The following GLIS3 variants were observed in gnomAD, a reference collection of about 807,000 sequenced individuals.
The protein encoded by GLIS3 is zinc finger protein GLIS3.
GLIS3 carries 53 observed loss-of-function variants against 78.6 expected under a neutral mutation model. The observed-to-expected ratio is 0.67, with a 90% CI of 0.54 to 0.85. The LOEUF is 0.85. Among genes scored for constraint, GLIS3 ranks in the 40% least tolerant of loss-of-function variants. The pLI, the probability that GLIS3 is intolerant of heterozygous loss-of-function variation, is 0.00. For missense variants in GLIS3, 1,703 were observed against 1,231.1 expected, an observed-to-expected ratio of 1.38 and a Z score of -5.74; for synonymous variants, 684 against 509.9, an observed-to-expected ratio of 1.34 and a Z score of -4.60.
chr9:4,336,263 G>A (rs1817756222), intron 2 of GLIS3, among the ~76,000 whole-genome samples: 1 of 152,174 alleles, frequency 6.6e-6, no homozygotes, highest in Non-Finnish European at 1.5e-5. Flanking sequence ...TGATATATGG[G>A]TTTCCTCTTC....
At chr9:4,306,883 C>G (rs1182251841) in intron 4 of GLIS3, among the ~76,000 whole-genome samples, 1 of 152,222 alleles carries the variant, frequency 6.6e-6, no homozygotes, top group Non-Finnish European at 1.5e-5. Flanking sequence ...AGATTCTAGA[C>G]TGAATTTAGG....
intron 2 of GLIS3, among the ~76,000 whole-genome samples, chr9:4,318,616 C>G (rs1817474480): frequency 6.6e-6 from 1 of 152,044 alleles, no homozygotes; most frequent in African/African-American, 2.4e-5. Flanking sequence ...TCCAGATGTT[C>G]ACACAGAGAT....
At chr9:4,332,780 G>C (rs1020560810) in intron 2 of GLIS3, among the ~76,000 whole-genome samples, 1 of 152,092 alleles carries the variant, frequency 6.6e-6, no homozygotes, top group African/African-American at 2.4e-5. Context: ...ATGTACATAG[G>C]TGTTCCTCTA....
chr9:4,365,463 G>C, the GLIS3 span, among the ~76,000 whole-genome samples: 3 of 152,056 alleles, frequency 2.0e-5, no homozygotes, highest in Non-Finnish European at 4.4e-5. Flanking sequence ...GGCTGAGGCA[G>C]GAGAATCGCT....
the GLIS3 span, among the ~76,000 whole-genome samples, chr9:4,400,258 G>A: frequency 1.3e-5 from 2 of 152,300 alleles, no homozygotes; most frequent in South Asian, 4.1e-4. Context: ...AAAGAAAGAT[G>A]GAGAAGAGTT....
chr9:4,284,515 C>G (rs1405956095), intron 2 of GLIS3, among the ~76,000 whole-genome samples: 1 of 151,756 alleles, frequency 6.6e-6, no homozygotes, highest in Non-Finnish European at 1.5e-5. Flanking sequence ...GGATGTAGCC[C>G]CAGGGAAACT....
chr9:4,381,915 G>C, the GLIS3 span, among the ~76,000 whole-genome samples: 1 of 152,162 alleles, frequency 6.6e-6, no homozygotes, highest in Non-Finnish European at 1.5e-5. Context: ...GCCCTTAATT[G>C]GTCCCGGCTG....
chr9:4,388,492 T>C, the GLIS3 span, among the ~76,000 whole-genome samples: 3 of 151,770 alleles, frequency 2.0e-5, no homozygotes, highest in Non-Finnish European at 2.9e-5. Flanking sequence ...TCCTGACCAA[T>C]TGGTGAAACC....
the GLIS3 span, among the ~76,000 whole-genome samples, chr9:4,413,772 C>T: frequency 6.6e-6 from 1 of 152,044 alleles, no homozygotes; most frequent in Non-Finnish European, 1.5e-5. Context: ...TTCCACTGAC[C>T]ATTTTTACCA....
chr9:4,058,535 G>A (rs1019475089), intron 4 of GLIS3, among the ~76,000 whole-genome samples: 6 of 151,474 alleles, frequency 4.0e-5, no homozygotes, highest in African/African-American at 1.2e-4. Flanking sequence ...GTCCTGGAAT[G>A]TACTTAGCAT....
chr9:4,104,355 T>C (rs1419903136), intron 4 of GLIS3, among the ~76,000 whole-genome samples: 3 of 152,140 alleles, frequency 2.0e-5, no homozygotes, highest in African/African-American at 7.2e-5. Context: ...ATACCTCATA[T>C]GCAATTCAGG....
At chr9:4,298,630 T>G (rs906992233) in intron 1 of GLIS3, 2 of 221,660 alleles carry the variant, frequency 9.0e-6, no homozygotes, top group Non-Finnish European at 1.9e-5. Context: ...GGACAACGTC[T>G]CCGAGACTGA....
At chr9:4,331,292 G>C (rs1468742060) in intron 2 of GLIS3, among the ~76,000 whole-genome samples, 3 of 152,080 alleles carry the variant, frequency 2.0e-5, no homozygotes, top group African/African-American at 7.2e-5. Flanking sequence ...TTGTGCGTGT[G>C]TGTCTCTGAG....
the GLIS3 span, among the ~76,000 whole-genome samples, chr9:4,408,023 A>G: frequency 5.9e-5 from 9 of 152,254 alleles, no homozygotes; most frequent in Non-Finnish European, 1.3e-4. Flanking sequence ...GCTCAACATT[A>G]ATAATCATCA....
chr9:3,997,074 G>A (rs545968154), intron 4 of GLIS3, among the ~76,000 whole-genome samples: 28 of 152,252 alleles, frequency 1.8e-4, no homozygotes, highest in African/African-American at 5.1e-4. Context: ...GCGGCCGGGC[G>A]CGGTGGCTCA....
At chr9:4,073,983 T>C (rs1403971393) in intron 4 of GLIS3, among the ~76,000 whole-genome samples, 1 of 152,150 alleles carries the variant, frequency 6.6e-6, no homozygotes, top group Non-Finnish European at 1.5e-5. Context: ...TCATACGAAC[T>C]GAGAGCCAAG....
At chr9:3,877,665 C>A (rs796555612) in intron 8 of GLIS3, among the ~76,000 whole-genome samples, 4 of 152,206 alleles carry the variant, frequency 2.6e-5, no homozygotes, top group African/African-American at 9.6e-5. Flanking sequence ...GAATTTTGGT[C>A]CCTCCTCTTT....
At position 4,117,980 on chromosome 9, in the gene GLIS3, G is replaced by C. The variant is rs753801153; in HGVS notation, c.1498C>G (p.His500Asp). 6.2e-6 allele frequency: 10 copies of C among 1,612,832 alleles called. No homozygotes were observed. Among genetic ancestry groups the C allele is most frequent in the South Asian group, 1.1e-5 (1 of 91,070 alleles). The change falls in exon 4 of 11, where the codon CAT becomes GAT. Residue 500 changes from histidine to aspartate, a missense_variant. Physicochemically the swap from His to Asp is moderately conservative, Grantham distance 81. Coordinates refer to ENST00000381971, the MANE Select transcript of GLIS3 (RefSeq NM_001042413.2). ...DGEMDGIGGK[H>D]CCRWIDCSAL... is the part of the protein sequence containing the mutation. ...CTGCAGTCGATCCAGCGGCAGCAATGCTTGCCCCCGATGCCGTCCATCTCC... is the reference window on the plus strand; with the variant it reads ...CTGCAGTCGATCCAGCGGCAGCAATCCTTGCCCCCGATGCCGTCCATCTCC...
intron 5 of GLIS3, among the ~76,000 whole-genome samples, chr9:3,935,361 G>C (rs1425386694): frequency 6.6e-6 from 1 of 151,962 alleles, no homozygotes; most frequent in Non-Finnish European, 1.5e-5. Flanking sequence ...AAATAGCTGA[G>C]TTTTAAAAGC....
Sources: gnomAD v4.1 joint callset for allele counts (sites outside exome capture counted in the v4.1 genomes callset) on GRCh38, gnomAD v4.1.1 for gene constraint, MANE v1.5 for transcripts, NCBI Gene and HGNC (gene_info 2026-07-23, HGNC 2026-07-21) for gene names.